C8orf76: variants seen among roughly 807,000 people sequenced by gnomAD.
C8orf76 encodes the protein chromosome 8 open reading frame 76.
A neutral mutation model predicts 38.1 loss-of-function variants in C8orf76; 46 were observed. The ratio of observed to expected loss-of-function variants is 1.21; its 90% CI spans 0.95 to 1.54. The LOEUF (loss-of-function observed/expected upper bound fraction) is 1.54, where lower values mean the gene tolerates loss of function less well. C8orf76 is among the 40% of genes most tolerant of loss of function. The probability of loss-of-function intolerance (pLI) is 0.00; values close to 1 mark genes in which losing one functional copy is unlikely to be tolerated. For synonymous variants in C8orf76, 166 were observed against 167.5 expected, an observed-to-expected ratio of 0.99 and a Z score of 0.07; for missense variants, 461 against 441.6, an observed-to-expected ratio of 1.04 and a Z score of -0.39.
chr8:123,231,766 A>G lies in C8orf76; in HGVS notation c.358-9T>C, dbSNP rs77482613. Reference sequence around the variant, plus strand: ...TTGGTTGCTTTATTTTCCTAAGGAGAAAAAAAAAAGGTTAAGAAGTTTAAA... The same window carrying G: ...TTGGTTGCTTTATTTTCCTAAGGAGGAAAAAAAAAGGTTAAGAAGTTTAAA... On this transcript the variant is annotated splice_polypyrimidine_tract_variant and intron_variant, in intron 3 of 5. Transcript: ENST00000276704. 2 of 1,403,740 alleles carry G rather than the reference A, an allele frequency of 1.4e-6. No individual in the cohort carries two copies. Among genetic ancestry groups the G allele is most frequent in the African/African-American group, 1.5e-5 (1 of 68,146 alleles). 87.0% of individuals were successfully genotyped at this position (1,403,740 alleles called of 1,614,324 possible).
chr8:123,238,926 C>T (rs1227017241), intron 2 of C8orf76, 123 bp downstream of exon 2: 3 of 964,678 alleles, frequency 3.1e-6, no homozygotes, highest in Admixed American at 4.9e-5. Flanking sequence ...AGATTATAAA[C>T]ACACATCACA....
chr8:123,233,889 G>A (rs373499873), intron 3 of C8orf76, among the ~76,000 whole-genome samples: 1 of 152,062 alleles, frequency 6.6e-6, no homozygotes, highest in Admixed American at 6.5e-5. Context: ...TTAGCTAGGT[G>A]TGGTGGCGGG....
rs757619600 is a variant in C8orf76 at position 123,237,798 on chromosome 8, C to T, written c.357G>A (p.Leu119=). ...HMEALEIAAN[L]ENKATNTDHL... ...GAAAATAAGCAATAAAATCACTCAC[C>T]AAGTTTGCAGCAATCTCCAGCGCCT... The change falls in exon 3 of 6, where the codon TTG becomes TTA. Residue 119 remains leucine (L), a splice_region_variant and synonymous_variant. Coordinates refer to ENST00000276704, the MANE Select transcript of C8orf76 (RefSeq NM_032847.3). 1.2e-6 allele frequency: 2 copies of T among 1,610,632 alleles called. No individual in the cohort carries two copies. The highest frequency in any genetic ancestry group is 1.7e-6 in the Non-Finnish European group (2 of 1,178,788).
Position 123,226,708 on chromosome 8 carries a change from T to C in C8orf76, c.816-76A>G. On this transcript the variant is annotated intron_variant, in intron 4 of 5. Transcript: ENST00000276704. ...GATAAAGGAAAGCCGCGAGGAAATG[T>C]TCAGAAAGCCCAGGTATTGAGTCGG... is the stretch of plus-strand genomic sequence containing the variant. 2.7e-6 allele frequency: 4 copies of C among 1,506,388 alleles called. No homozygotes were observed. In the South Asian group the frequency reaches 5.5e-5, roughly 21 times the overall value. The allele number at this position is 1,506,388 out of a possible 1,614,324, so 93.3% of individuals were successfully genotyped here.
At chr8:123,240,860 A>G (rs1825659290) in intron 1 of C8orf76, among the ~76,000 whole-genome samples, 1 of 151,868 alleles carries the variant, frequency 6.6e-6, no homozygotes, top group African/African-American at 2.4e-5. Context: ...GAGGGAGGGG[A>G]GAGTGGGTTT....
intron 4 of C8orf76, among the ~76,000 whole-genome samples, chr8:123,230,417 T>C (rs1476992439): frequency 6.6e-6 from 1 of 152,244 alleles, no homozygotes; most frequent in African/African-American, 2.4e-5. Context: ...TTCAGTGTTT[T>C]ATACATTTTT....
chr8:123,237,019 G>A, intron 3 of C8orf76: 1 of 1,489,548 alleles, frequency 6.7e-7, no homozygotes, highest in African/African-American at 1.4e-5. Flanking sequence ...ACAACATCCA[G>A]AAGGAGTCCA....
At chr8:123,233,824 C>T (rs181960900) in intron 3 of C8orf76, among the ~76,000 whole-genome samples, 2 of 151,820 alleles carry the variant, frequency 1.3e-5, no homozygotes, top group Admixed American at 6.6e-5. Context: ...TTCAGGAGAT[C>T]GAGACCATCC....
intron 5 of C8orf76, among the ~76,000 whole-genome samples, chr8:123,224,040 A>G (rs560985884): frequency 2.6e-4 from 40 of 152,344 alleles, no homozygotes; most frequent in African/African-American, 9.1e-4. Flanking sequence ...ATGGCGGCAC[A>G]ACACTGTATA....
intron 5 of C8orf76, chr8:123,226,175 A>G: frequency 9.0e-7 from 1 of 1,117,274 alleles, no homozygotes; most frequent in Non-Finnish European, 1.1e-6. Flanking sequence ...AAAAAAATAG[A>G]ACTGCTACAC....
At chr8:123,220,344 G>A (rs761461983) in intron 5 of C8orf76, 47 bp from the exon 6 acceptor site, 19 of 1,394,582 alleles carry the variant, frequency 1.4e-5, no homozygotes, top group South Asian at 5.8e-5. Context: ...AAGAGGCAGA[G>A]ACATGGAATG....
intron 5 of C8orf76, among the ~76,000 whole-genome samples, chr8:123,221,382 G>A (rs1395089450): frequency 7.2e-5 from 11 of 152,172 alleles, no homozygotes; most frequent in Non-Finnish European, 1.6e-4. Flanking sequence ...GTCGCTTAAG[G>A]CCAGGAGTTA....
At chr8:123,236,854 G>A in intron 3 of C8orf76, 1 of 766,572 alleles carries the variant, frequency 1.3e-6, no homozygotes, top group South Asian at 1.4e-5. Flanking sequence ...ATGCAGAGAT[G>A]CAGATCTTTG....
chr8:123,239,669 G>A (rs949113208), intron 1 of C8orf76: 18 of 152,696 alleles, frequency 1.2e-4, no homozygotes, highest in African/African-American at 4.3e-4. Context: ...AAAAAGGAAA[G>A]TGAGACTGAG....
rs1825266717 is a variant in C8orf76, at chr8:123,231,423, T to A, written c.692A>T (p.Asn231Ile). ...CTCATTTTTCTGGCTATTACTGCTA[T>A]TCGCTTCCACAGAAAATAAAGAGCT... ...PESSLFSVEA[N>I]SSNSQKNEKA... Residue 231 changes from asparagine (N) to isoleucine (I), a missense_variant, in exon 4 of 6, where the codon AAT becomes ATT. Coordinates refer to ENST00000276704, the MANE Select transcript of C8orf76 (RefSeq NM_032847.3). 3 of 1,614,122 alleles carry A rather than the reference T, an allele frequency of 1.9e-6. No homozygotes were observed. The highest frequency in any genetic ancestry group is 3.3e-5 in the Admixed American group (2 of 60,004).
Position 123,239,041 on chromosome 8 carries a change from A to C in C8orf76, c.213+8T>G. 6.2e-7 allele frequency: 1 copy of C among 1,613,988 alleles called. No individual in the cohort carries two copies. The highest frequency in any genetic ancestry group is 1.1e-5 in the South Asian group (1 of 91,078). On this transcript the variant is annotated splice_region_variant and intron_variant, in intron 2 of 5. Coordinates refer to ENST00000276704, the MANE Select transcript of C8orf76 (RefSeq NM_032847.3). ...AGCCCACTTCAAGCACCATATGTTG[A>C]ATTCTACCTGATACTCTTGTCGTCT...
chr8:123,220,848 T>A (rs2131127652), intron 5 of C8orf76, among the ~76,000 whole-genome samples: 1 of 147,092 alleles, frequency 6.8e-6, no homozygotes, highest in East Asian at 1.9e-4. Context: ...GATTCTGGGT[T>A]AGTTTCTTTG....
intron 2 of C8orf76, among the ~76,000 whole-genome samples, chr8:123,238,287 GCA>G (rs1825567931): frequency 6.6e-6 from 1 of 152,106 alleles, no homozygotes; most frequent in African/African-American, 2.4e-5. Flanking sequence ...CAGTTCCCCT[GCA>G]CACACTCTCT....
chr8:123,240,076 G>T (rs528472309), intron 1 of C8orf76: 2 of 152,306 alleles, frequency 1.3e-5, no homozygotes, highest in East Asian at 1.9e-4. Context: ...ATCTGACAAA[G>T]TATTTTCATA....
Sources: gnomAD v4.1 joint callset for allele counts (sites outside exome capture counted in the v4.1 genomes callset) on GRCh38, gnomAD v4.1.1 for gene constraint, MANE v1.5 for transcripts, NCBI Gene and HGNC (gene_info 2026-07-23, HGNC 2026-07-21) for gene names.